Variants in SNTB1 observed in about 807,000 individuals in gnomAD.
SNTB1 encodes the protein beta-1-syntrophin.
In SNTB1, 36 loss-of-function variants were observed where a neutral mutation model predicts 48.9. The ratio of observed to expected loss-of-function variants is 0.74; its 90% CI spans 0.56 to 0.97. SNTB1 has a LOEUF of 0.97. SNTB1 is among the 50% of genes least tolerant of loss of function. The probability of loss-of-function intolerance (pLI) is 0.00; values close to 1 mark genes in which losing one functional copy is unlikely to be tolerated. For missense variants in SNTB1, 786 were observed against 703.4 expected, an observed-to-expected ratio of 1.12 and a Z score of -1.33; for synonymous variants, 299 against 294.6, an observed-to-expected ratio of 1.01 and a Z score of -0.15.
chr8:120,811,000 C>A (rs1820416354), intron 1 of SNTB1, among the ~76,000 whole-genome samples: 2 of 152,198 alleles, frequency 1.3e-5, no homozygotes, highest in African/African-American at 4.8e-5. Flanking sequence ...GGCTGGGAAA[C>A]CCTGCTAGCC....
At chr8:120,746,093 A>T (rs1394477701) in intron 1 of SNTB1, among the ~76,000 whole-genome samples, 1 of 152,142 alleles carries the variant, frequency 6.6e-6, no homozygotes, top group Non-Finnish European at 1.5e-5. Flanking sequence ...AGCCTTGAAC[A>T]ACATAGGTTT....
intron 1 of SNTB1, among the ~76,000 whole-genome samples, chr8:120,732,171 C>T (rs892272763): frequency 2.0e-5 from 3 of 152,140 alleles, no homozygotes; most frequent in Admixed American, 6.5e-5. Context: ...ATATGACTTG[C>T]GGGTAAATCG....
intron 2 of SNTB1, among the ~76,000 whole-genome samples, chr8:120,662,838 T>G (rs1211622865): frequency 1.3e-5 from 2 of 152,132 alleles, no homozygotes; most frequent in Non-Finnish European, 2.9e-5. Flanking sequence ...GATTTTTGGG[T>G]GCAGCAAGTA....
rs1203334280 is a variant in SNTB1, at chr8:120,632,490, A to G, written c.950T>C (p.Ile317Thr). 6.2e-7 allele frequency: 1 copy of G among 1,614,142 alleles called. No individual in the cohort carries two copies. The highest frequency in any genetic ancestry group is 8.5e-7 in the Non-Finnish European group (1 of 1,180,020). ...EVREQLGKTG[I>T]AGSREIRHLG... ...ATGCCTAATCTCTCGGCTCCCAGCA[A>G]TGCCTGTTTTCCCCAGCTGCTCTCT... The change falls in exon 3 of 7, where the codon ATT becomes ACT. Residue 317 changes from isoleucine to threonine, a missense_variant. Coordinates refer to ENST00000517992, the MANE Select transcript of SNTB1 (RefSeq NM_021021.4).
At chr8:120,742,338 T>C (rs1042937389) in intron 1 of SNTB1, among the ~76,000 whole-genome samples, 1 of 152,188 alleles carries the variant, frequency 6.6e-6, no homozygotes, top group African/African-American at 2.4e-5. Context: ...TTTCATGAGA[T>C]ATCAGTAAAA....
At chr8:120,577,316 C>T (rs552179855) in intron 3 of SNTB1, among the ~76,000 whole-genome samples, 1 of 152,182 alleles carries the variant, frequency 6.6e-6, no homozygotes, top group African/African-American at 2.4e-5. Context: ...ACATATTCCT[C>T]ATTTTGTGTA....
intron 1 of SNTB1, among the ~76,000 whole-genome samples, chr8:120,739,051 T>C (rs1587126549): frequency 6.6e-6 from 1 of 152,222 alleles, no homozygotes; most frequent in Admixed American, 6.5e-5. Flanking sequence ...CAATGAACAG[T>C]GGGAGCCAAT....
chr8:120,541,077 T>C (rs1175944642), intron 6 of SNTB1: 1 of 152,214 alleles, frequency 6.6e-6, no homozygotes, highest in Non-Finnish European at 1.5e-5. Flanking sequence ...ATGCCAAGGA[T>C]GACACTTGCT....
intron 5 of SNTB1, 135 bp downstream of exon 5, chr8:120,548,627 G>A: frequency 8.2e-6 from 6 of 734,526 alleles, no homozygotes; most frequent in Non-Finnish European, 1.4e-5. Context: ...CCTTAATTTA[G>A]AAGAATTTAA....
intron 3 of SNTB1, among the ~76,000 whole-genome samples, chr8:120,618,455 C>T (rs1816748263): frequency 6.6e-6 from 1 of 152,172 alleles, no homozygotes; most frequent in Non-Finnish European, 1.5e-5. Context: ...AAGTAAGCTC[C>T]AGTGCAGCAA....
chr8:120,736,838 G>A (rs1017151928), intron 1 of SNTB1, among the ~76,000 whole-genome samples: 1 of 152,074 alleles, frequency 6.6e-6, no homozygotes, highest in Non-Finnish European at 1.5e-5. Flanking sequence ...TCATTTTTAC[G>A]TGATATCCTA....
intron 3 of SNTB1, among the ~76,000 whole-genome samples, chr8:120,628,511 C>T (rs1816922549): frequency 6.6e-6 from 1 of 152,144 alleles, no homozygotes; most frequent in Admixed American, 6.5e-5. Context: ...AATCCCAGGA[C>T]TTTGGGAGGC....
intron 1 of SNTB1, among the ~76,000 whole-genome samples, chr8:120,785,410 A>G (rs1819907894): frequency 1.3e-5 from 2 of 152,204 alleles, no homozygotes; most frequent in South Asian, 2.1e-4. Context: ...TGTGGGTGTC[A>G]GACCTCCCTT....
At chr8:120,575,010 C>T (rs545654967) in intron 4 of SNTB1, 76 bp downstream of exon 4, 53 of 1,571,534 alleles carry the variant, frequency 3.4e-5, no homozygotes, top group Middle Eastern at 1.7e-4. Context: ...AGTAATATAA[C>T]GTATTGAGCT....
chr8:120,558,333 C>G (rs1345549308), intron 4 of SNTB1, among the ~76,000 whole-genome samples: 1 of 152,262 alleles, frequency 6.6e-6, no homozygotes, highest in South Asian at 2.1e-4. Flanking sequence ...TCTTACCCAG[C>G]CAGAAGAAAA....
In SNTB1 at chr8:120,693,792, G is replaced by T. The variant is rs374892259; in HGVS notation, c.688C>A (p.Pro230Thr). The change falls in exon 2 of 7, where the codon CCG becomes ACG. Residue 230 changes from proline (P) to threonine (T), a missense_variant. Coordinates refer to ENST00000517992, the MANE Select transcript of SNTB1 (RefSeq NM_021021.4). ...TGGAAGGAGAAGGACTGCGATGACG[G>T]GGGGTCTGAGGTGCTGCCCCCTAAC... is the stretch of plus-strand genomic sequence containing the variant. ...PRLGGSTSDP[P>T]SSQSFSFHRD... 37 of 1,614,046 alleles carry T rather than the reference G, an allele frequency of 2.3e-5. No homozygotes were observed. The African/African-American group carries it at 2.9e-4, about 13-fold the overall frequency.
intron 2 of SNTB1, among the ~76,000 whole-genome samples, chr8:120,683,986 T>C (rs1320808092): frequency 6.6e-6 from 1 of 152,230 alleles, no homozygotes; most frequent in Non-Finnish European, 1.5e-5. Flanking sequence ...CTTAGTCTGC[T>C]ATAACAAAAT....
chr8:120,649,071 A>C (rs1817357522), intron 2 of SNTB1, among the ~76,000 whole-genome samples: 3 of 146,354 alleles, frequency 2.0e-5, no homozygotes, highest in African/African-American at 7.6e-5. Flanking sequence ...CATTCTTCTA[A>C]ATTTTTTTCA....
intron 1 of SNTB1, among the ~76,000 whole-genome samples, chr8:120,716,631 C>T (rs1364566902): frequency 6.6e-6 from 1 of 152,164 alleles, no homozygotes; most frequent in Non-Finnish European, 1.5e-5. Context: ...GAAATGTCCA[C>T]AGCTACAAGC....
Sources: gnomAD v4.1 joint callset for allele counts (sites outside exome capture counted in the v4.1 genomes callset) on GRCh38, gnomAD v4.1.1 for gene constraint, MANE v1.5 for transcripts, NCBI Gene and HGNC (gene_info 2026-07-23, HGNC 2026-07-21) for gene names.